Variants in CCDC85A observed in about 807,000 individuals in gnomAD.
CCDC85A encodes coiled-coil domain-containing protein 85A.
A neutral mutation model predicts 50.2 loss-of-function variants in CCDC85A; 38 were observed. The ratio of observed to expected loss-of-function variants is 0.76; its 90% confidence interval spans 0.58 to 0.99. CCDC85A has a LOEUF of 0.99. Ranked by LOEUF, CCDC85A falls within the 50% of genes least tolerant of loss-of-function variation. CCDC85A has a pLI of 0.00. For missense variants in CCDC85A, 820 were observed against 742.0 expected (o/e 1.11, Z -1.22); for synonymous variants, 366 against 301.4 (o/e 1.21, Z -2.22).
intron 2 of CCDC85A, among the ~76,000 whole-genome samples, chr2:56,246,117 TTTCACCATGTTGG>T (rs1669499174): frequency 1.3e-5 from 2 of 152,068 alleles, no homozygotes; most frequent in South Asian, 4.1e-4. Context: ...GGAGACAGGG[TTTCACCATGTTGG>T]TCAGGCAGGT....
Position 56,348,732 on chromosome 2 carries a change from C to T in CCDC85A, c.1317+5777C>T, listed in dbSNP as rs192911216. On this transcript the variant is annotated intron_variant, in intron 3 of 5. Transcript: ENST00000407595. The stretch of plus-strand genomic sequence containing the variant: ...TCTGAAGTCCTCCCTCACCTCACCA[C>T]GGTGCTTATGCAGAATTACTAGCAT... Among the ~76,000 whole-genome samples, 339 of 152,292 alleles carry T rather than the reference C, an allele frequency of 2.2e-3. 2 individuals carry two copies. The highest frequency in any genetic ancestry group is 0.021 in the South Asian group (100 of 4,826).
rs560671883 is a variant in CCDC85A, at chr2:56,185,372, G to A, written c.276+472G>A. On this transcript the variant is annotated intron_variant, in intron 1 of 5. Transcript: ENST00000407595. ...AAAGGGCGCCACTGCCAGGGAGAGC[G>A]GCTGGCGGGGCGCCCGGGAGAAGCA... 1.1e-4 allele frequency among the ~76,000 whole-genome samples: 17 copies of A among 152,172 alleles called. 1 individual carries two copies. The highest frequency in any genetic ancestry group is 4.1e-4 in the African/African-American group (17 of 41,564).
intron 2 of CCDC85A, among the ~76,000 whole-genome samples, chr2:56,336,956 A>C (rs1053625815): frequency 1.3e-5 from 2 of 152,226 alleles, no homozygotes; most frequent in Non-Finnish European, 2.9e-5. Context: ...TATGAGAATT[A>C]ATGTGGTGCT....
At chr2:56,320,371 A>C in intron 2 of CCDC85A, among the ~76,000 whole-genome samples, 1 of 152,220 alleles carries the variant, frequency 6.6e-6, no homozygotes, top group Non-Finnish European at 1.5e-5. Flanking sequence ...TGAAAAGATC[A>C]TCAAAATTGA....
intron 2 of CCDC85A, among the ~76,000 whole-genome samples, chr2:56,338,638 T>TA (rs1239720206): frequency 2.0e-5 from 3 of 152,146 alleles, no homozygotes; most frequent in African/African-American, 7.2e-5. Context: ...GCTTACATTT[T>TA]AAAAAATTTA....
At chr2:56,314,763 T>G (rs1402663230) in intron 2 of CCDC85A, among the ~76,000 whole-genome samples, 11 of 152,124 alleles carry the variant, frequency 7.2e-5, no homozygotes, top group Non-Finnish European at 1.5e-5. Context: ...TCCAGTTGGG[T>G]GGCCACAGAA....
chr2:56,373,630 A>G (rs1676191396), intron 4 of CCDC85A, among the ~76,000 whole-genome samples: 1 of 152,228 alleles, frequency 6.6e-6, no homozygotes, highest in African/African-American at 2.4e-5. Flanking sequence ...CTGGGCAGAA[A>G]AGGATTTGAA....
intron 2 of CCDC85A, among the ~76,000 whole-genome samples, chr2:56,299,755 G>T (rs1409801374): frequency 6.6e-6 from 1 of 152,090 alleles, no homozygotes; most frequent in Non-Finnish European, 1.5e-5. Flanking sequence ...GCAAAAAGAC[G>T]ATTAAATAAA....
At chr2:56,280,420 G>C (rs1472777308) in intron 2 of CCDC85A, among the ~76,000 whole-genome samples, 1 of 152,174 alleles carries the variant, frequency 6.6e-6, no homozygotes, top group African/African-American at 2.4e-5. Flanking sequence ...TAGTCAATGA[G>C]AGTGAGATGC....
At chr2:56,325,864 G>A (rs1319434179) in intron 2 of CCDC85A, among the ~76,000 whole-genome samples, 5 of 152,032 alleles carry the variant, frequency 3.3e-5, no homozygotes, top group African/African-American at 1.2e-4. Context: ...GACTGAAACT[G>A]GCCATTTTCA....
At chr2:56,257,600 G>T (rs149219366) in intron 2 of CCDC85A, among the ~76,000 whole-genome samples, 3 of 152,286 alleles carry the variant, frequency 2.0e-5, no homozygotes, top group African/African-American at 7.2e-5. Context: ...TGGGCATATT[G>T]TGGAGGTCTT....
chr2:56,366,002 A>T (rs1393764326), intron 3 of CCDC85A, among the ~76,000 whole-genome samples: 6 of 152,242 alleles, frequency 3.9e-5, no homozygotes, highest in African/African-American at 1.4e-4. Context: ...GAGTACGATC[A>T]TGCAGTATTT....
chr2:56,292,831 A>G (rs906723206), intron 2 of CCDC85A, among the ~76,000 whole-genome samples: 2 of 152,172 alleles, frequency 1.3e-5, no homozygotes, highest in African/African-American at 4.8e-5. Flanking sequence ...GACATTTATG[A>G]TATTGCTTAT....
At chr2:56,253,673 C>G (rs1669864823) in intron 2 of CCDC85A, among the ~76,000 whole-genome samples, 1 of 152,072 alleles carries the variant, frequency 6.6e-6, no homozygotes, top group South Asian at 2.1e-4. Flanking sequence ...CTAGTCAAGG[C>G]TGATGGTAGC....
chr2:56,202,169 A>G (rs1264676338), intron 2 of CCDC85A, among the ~76,000 whole-genome samples: 1 of 152,208 alleles, frequency 6.6e-6, no homozygotes, highest in Non-Finnish European at 1.5e-5. Context: ...GAGATAAGAT[A>G]AGTATCACTA....
At chr2:56,321,689 AC>A (rs757370998) in intron 2 of CCDC85A, among the ~76,000 whole-genome samples, 1 of 152,226 alleles carries the variant, frequency 6.6e-6, no homozygotes, top group Non-Finnish European at 1.5e-5. Context: ...GATACGAAGA[AC>A]CAATATTGTG....
At chr2:56,369,742 A>G (rs994444956) in intron 3 of CCDC85A, among the ~76,000 whole-genome samples, 1 of 152,106 alleles carries the variant, frequency 6.6e-6, no homozygotes, top group African/African-American at 2.4e-5. Context: ...AGTGAGAAGT[A>G]CAGTTCGGAT....
rs543121429 is a variant in CCDC85A at position 56,219,283 on chromosome 2, G to A, written c.1240+25843G>A. On this transcript the variant is annotated intron_variant, in intron 2 of 5. Transcript: ENST00000407595. ...GTATTTTCCTTCAGGAACCCCTGCAGTATAATCATGGAGAAACAGTCTACC... is the reference window on the plus strand; with the variant it reads ...GTATTTTCCTTCAGGAACCCCTGCAATATAATCATGGAGAAACAGTCTACC... Among the ~76,000 whole-genome samples the A allele has an allele frequency of 8.0e-5, 12 of 149,182 alleles. No homozygotes were observed. In the South Asian group the frequency reaches 2.2e-3, roughly 27 times the overall value.
chr2:56,291,720 G>A (rs1671714950), intron 2 of CCDC85A, among the ~76,000 whole-genome samples: 1 of 151,894 alleles, frequency 6.6e-6, no homozygotes, highest in African/African-American at 2.4e-5. Context: ...AACACGTAAG[G>A]CCCTGTAGGC....
Sources: allele counts gnomAD v4.1 joint callset (sites outside exome capture counted in the v4.1 genomes callset), GRCh38; gene constraint gnomAD v4.1.1; transcripts MANE v1.5; gene names NCBI Gene and HGNC (gene_info 2026-07-23, HGNC 2026-07-21).